The following ARB2A variants were observed in gnomAD, a reference collection of about 807,000 sequenced individuals.
ARB2A encodes cotranscriptional regulator ARB2A.
the ARB2A span, chr5:93,740,948 G>A: frequency 2.5e-6 from 4 of 1,613,942 alleles, no homozygotes; most frequent in Admixed American, 6.7e-5. Flanking sequence ...GACTGTTGCA[G>A]GATCATCTCC....
chr5:93,791,582 C>T, the ARB2A span, among the ~76,000 whole-genome samples: 1 of 152,206 alleles, frequency 6.6e-6, no homozygotes, highest in Non-Finnish European at 1.5e-5. Context: ...GTAAACATGG[C>T]CAGCTGGATC....
chr5:93,789,151 A>G, the ARB2A span, among the ~76,000 whole-genome samples: 2 of 152,220 alleles, frequency 1.3e-5, no homozygotes, highest in Non-Finnish European at 2.9e-5. Flanking sequence ...AGCAAAAGCC[A>G]TTACTTTCTT....
the ARB2A span, chr5:93,781,929 G>A: frequency 4.3e-5 from 42 of 985,152 alleles, no homozygotes; most frequent in East Asian, 1.4e-3. Context: ...GTTTCTCTTC[G>A]TTATTTCAAG....
chr5:93,648,681 C>T, the ARB2A span, among the ~76,000 whole-genome samples: 1 of 152,146 alleles, frequency 6.6e-6, no homozygotes, highest in Non-Finnish European at 1.5e-5. Flanking sequence ...GAATTAACTG[C>T]ATGCATGGAT....
At chr5:93,958,780 C>A in the ARB2A span, 1 of 1,513,492 alleles carries the variant, frequency 6.6e-7, no homozygotes, top group Non-Finnish European at 8.9e-7. Flanking sequence ...TACTTACAGC[C>A]ACAGCTCTTT....
At chr5:94,050,762 C>T in the ARB2A span, 1 of 1,612,434 alleles carries the variant, frequency 6.2e-7, no homozygotes, top group Non-Finnish European at 8.5e-7. Context: ...TTTCTGGTTC[C>T]ATCTGTGTAA....
chr5:93,843,417 C>CT, the ARB2A span, among the ~76,000 whole-genome samples: 1,227 of 120,552 alleles, frequency 0.01, 18 homozygotes, highest in African/African-American at 0.018. Context: ...AACAAGGATA[C>CT]TTTTTTTTTT....
At chr5:93,696,070 G>T in the ARB2A span, among the ~76,000 whole-genome samples, 3 of 152,090 alleles carry the variant, frequency 2.0e-5, no homozygotes, top group Non-Finnish European at 4.4e-5. Flanking sequence ...AGCATTAGGA[G>T]AAATACTTAA....
chr5:93,626,624 T>C, the ARB2A span, among the ~76,000 whole-genome samples: 1 of 152,244 alleles, frequency 6.6e-6, no homozygotes, highest in African/African-American at 2.4e-5. Context: ...TCCAGTCTAC[T>C]AAGTGTGCAA....
At chr5:93,697,617 C>G in the ARB2A span, among the ~76,000 whole-genome samples, 3 of 152,048 alleles carry the variant, frequency 2.0e-5, no homozygotes, top group Admixed American at 6.6e-5. Context: ...AAAGTTTAAT[C>G]TTAATGAAAA....
the ARB2A span, among the ~76,000 whole-genome samples, chr5:94,050,252 C>CT: frequency 0.018 from 2,402 of 132,580 alleles, 86 homozygotes; most frequent in African/African-American, 0.053. Flanking sequence ...AAAACAGAAA[C>CT]TTTTTTTTTT....
At chr5:94,042,314 C>CTTTTTTTTT in the ARB2A span, among the ~76,000 whole-genome samples, 1 of 103,068 alleles carries the variant, frequency 9.7e-6, no homozygotes, top group Non-Finnish European at 1.9e-5. Context: ...AAAAGATCAG[C>CTTTTTTTTT]TTTTTTTTTT....
At chr5:93,934,974 G>A in the ARB2A span, among the ~76,000 whole-genome samples, 11 of 152,112 alleles carry the variant, frequency 7.2e-5, no homozygotes, top group African/African-American at 2.7e-4. Context: ...AGTGACTCAG[G>A]AATGGAAAAC....
At chr5:93,619,366 CATT>C in the ARB2A span, 15 of 152,288 alleles carry the variant, frequency 9.8e-5, no homozygotes, top group South Asian at 8.3e-4. Context: ...AATTTGTCAT[CATT>C]AAGACTATAG....
the ARB2A span, among the ~76,000 whole-genome samples, chr5:93,665,964 A>G: frequency 3.3e-5 from 5 of 152,244 alleles, no homozygotes; most frequent in Non-Finnish European, 5.9e-5. Context: ...GTCTCACTAG[A>G]AATCATACAA....
At chr5:93,973,159 C>T in the ARB2A span, among the ~76,000 whole-genome samples, 1 of 112,660 alleles carries the variant, frequency 8.9e-6, no homozygotes, top group African/African-American at 3.4e-5. Context: ...CTATGTTGGC[C>T]AGGCTGGTCT....
chr5:93,771,902 T>C, the ARB2A span, among the ~76,000 whole-genome samples: 48 of 152,340 alleles, frequency 3.2e-4, 1 homozygote, highest in Admixed American at 1.9e-3. Context: ...GTGTGGTGAT[T>C]CCTCAGGGAT....
At chr5:93,692,465 T>TTACAC in the ARB2A span, among the ~76,000 whole-genome samples, 1 of 152,108 alleles carries the variant, frequency 6.6e-6, no homozygotes, top group Non-Finnish European at 1.5e-5. Flanking sequence ...CATTACATAA[T>TTACAC]AGTAAAGGGA....
the ARB2A span, among the ~76,000 whole-genome samples, chr5:93,720,020 C>T: frequency 2.0e-5 from 3 of 152,124 alleles, no homozygotes; most frequent in Non-Finnish European, 2.9e-5. Context: ...GCCGTCATGC[C>T]GTTTCCTTTT....
Sources: allele counts gnomAD v4.1 joint callset (sites outside exome capture counted in the v4.1 genomes callset), GRCh38; gene constraint gnomAD v4.1.1; transcripts MANE v1.5; gene names NCBI Gene and HGNC (gene_info 2026-07-23, HGNC 2026-07-21).